The following FAT1 variants were observed in gnomAD, a reference collection of about 807,000 sequenced individuals.
The protein encoded by FAT1 is FAT atypical cadherin 1, also known as protocadherin Fat 1.
Under a neutral mutation model 329.8 loss-of-function variants are expected in FAT1, and 171 were observed. The observed-to-expected ratio is 0.52, with a 90% CI of 0.46 to 0.59. The LOEUF is 0.59. Ranked by LOEUF, FAT1 falls within the 20% of genes least tolerant of loss-of-function variation. The pLI, the probability that FAT1 is intolerant of heterozygous loss-of-function variation, is 0.00. For missense variants in FAT1, 5,672 were observed against 5,774.4 expected (o/e 0.98, Z 0.57); for synonymous variants, 2,233 against 2,228.6 (o/e 1.00, Z -0.06).
rs73873662 is a variant in FAT1 at position 186,620,532 on chromosome 4, G to T, written c.6054C>A (p.Asn2018Lys). ...GGCTTATTTTAAATCTGCGATCTGG[G>T]TTGAGGATGTGATAAAACAAAGGCT... ...INEPLFYHIL[N>K]PDRRFKISRT... is the part of the protein sequence containing the mutation. Residue 2018 changes from asparagine (N) to lysine (K), a missense_variant, in exon 10 of 27, where the codon AAC (asparagine) becomes AAA (lysine). By Grantham distance (94) the Asn-to-Lys change is moderately conservative. Around this residue, in one of 2 missense-constraint regions of FAT1, gnomAD observed 3,966 missense variants for 3,915.2 expected, o/e 1.01. Coordinates refer to ENST00000441802, the MANE Select transcript of FAT1 (RefSeq NM_005245.4). 3,133 of 1,613,956 alleles carry T rather than the reference G, an allele frequency of 1.9e-3. 56 individuals carry two copies. In the African/African-American group the frequency reaches 0.036, roughly 18 times the overall value.
At chr4:186,634,268 C>G (rs577585204) in intron 6 of FAT1, among the ~76,000 whole-genome samples, 1 of 152,044 alleles carries the variant, frequency 6.6e-6, no homozygotes, top group East Asian at 1.9e-4. Context: ...AAAAAAATAG[C>G]GGTCGTTAAC....
At chr4:186,642,834 G>A (rs775935644) in intron 3 of FAT1, among the ~76,000 whole-genome samples, 5 of 152,188 alleles carry the variant, frequency 3.3e-5, no homozygotes, top group African/African-American at 9.7e-5. Flanking sequence ...AGAAAATAGC[G>A]GGCCGATCTT....
chr4:186,660,722 T>C (rs1378796161), intron 3 of FAT1, among the ~76,000 whole-genome samples: 2 of 152,164 alleles, frequency 1.3e-5, no homozygotes, highest in Non-Finnish European at 2.9e-5. Context: ...GTTGTCAGAA[T>C]AGAGAGATTT....
At chr4:186,689,794 G>A (rs544094865) in intron 2 of FAT1, among the ~76,000 whole-genome samples, 4 of 152,168 alleles carry the variant, frequency 2.6e-5, no homozygotes, top group Admixed American at 1.3e-4. Context: ...CCCGCCACAC[G>A]ACTCGACTCC....
rs887554348 is a variant in FAT1, at chr4:186,596,008, G to A, written c.13001-182C>T. Among the ~76,000 whole-genome samples the A allele has an allele frequency of 6.6e-6, 1 of 152,064 alleles. No individual in the cohort carries two copies. The highest frequency in any genetic ancestry group is 2.4e-5 in the African/African-American group (1 of 41,394). On this transcript the variant is annotated intron_variant, in intron 25 of 26. Transcript: ENST00000441802. This position sits in a 1 kb window ranked among gnomAD's most constrained non-coding sequence, Gnocchi z 4.7. ...CGAAGAAATAAAAAACCCCTGCACAGAAAGACCTCCACATCATCTTAGAGA... is the reference window on the plus strand; with the variant it reads ...CGAAGAAATAAAAAACCCCTGCACAAAAAGACCTCCACATCATCTTAGAGA...
At chr4:186,698,154 G>C (rs1425238150) in intron 2 of FAT1, among the ~76,000 whole-genome samples, 1 of 152,208 alleles carries the variant, frequency 6.6e-6, no homozygotes, top group East Asian at 1.9e-4. Flanking sequence ...ATCAGCCACT[G>C]TGCTTAGAAG....
At chr4:186,646,335 G>A (rs924594552) in intron 3 of FAT1, among the ~76,000 whole-genome samples, 2 of 152,050 alleles carry the variant, frequency 1.3e-5, no homozygotes, top group African/African-American at 4.8e-5. Context: ...AATGATTTTG[G>A]CCTTTCCGCC....
intron 24 of FAT1, 95 bp from the exon 25 acceptor site, chr4:186,597,266 G>T: frequency 7.6e-7 from 1 of 1,307,336 alleles, no homozygotes; most frequent in Non-Finnish European, 1.0e-6. Context: ...ATCCCTCCTT[G>T]ATGAGCTATG....
chr4:186,651,145 AT>A (rs1231787135), intron 3 of FAT1, among the ~76,000 whole-genome samples: 2 of 123,348 alleles, frequency 1.6e-5, no homozygotes, highest in African/African-American at 2.8e-5. Context: ...AAATTTATTT[AT>A]TAATAATAAA....
intron 1 of FAT1, among the ~76,000 whole-genome samples, chr4:186,717,983 T>C (rs1745293560): frequency 6.6e-6 from 1 of 152,198 alleles, no homozygotes; most frequent in Non-Finnish European, 1.5e-5. Context: ...AGAAGTAATT[T>C]AAATGACATC....
At chr4:186,592,647 G>A (rs558976012) in intron 26 of FAT1, 16 of 454,466 alleles carry the variant, frequency 3.5e-5, no homozygotes, top group Middle Eastern at 3.3e-4. Flanking sequence ...TCTACGACAC[G>A]GCTGCTGCAA....
intron 1 of FAT1, among the ~76,000 whole-genome samples, chr4:186,719,344 G>A (rs562887212): frequency 1.3e-5 from 2 of 152,152 alleles, no homozygotes; most frequent in South Asian, 2.1e-4. Context: ...ACCTCAGGTT[G>A]AGAACGTCTT....
At position 186,663,238 on chromosome 4, in the gene FAT1, C is replaced by T. The variant is rs547052293; in HGVS notation, c.3580+61G>A. 14 of 1,266,580 alleles carry T rather than the reference C, an allele frequency of 1.1e-5. No homozygotes were observed. In the African/African-American group the frequency reaches 1.8e-4, roughly 16 times the overall value. 78.5% of individuals were successfully genotyped at this position (1,266,580 alleles called of 1,614,324 possible). A position where few individuals can be genotyped will look rare whatever the true frequency, so the allele number is the denominator to read the frequency against. ...TGTAACAGATAAATGCTAATTCTTA[C>T]TTTTCCCCCTAACAGAAAAGCATAA... On this transcript the variant is annotated intron_variant, in intron 3 of 26. Transcript: ENST00000441802.
rs1409374760 is a variant in FAT1 at position 186,620,096 on chromosome 4, A to T, written c.6490T>A (p.Phe2164Ile). ...VVAKDGGNPA[F>I]SAEVIVPITV... is the part of the protein sequence containing the mutation. ...ATCGGAACGATAACTTCCGCTGAAA[A>T]GGCCGGGTTCCCTCCATCTTTTGCA... Residue 2164 changes from phenylalanine to isoleucine, a missense_variant, in exon 10 of 27, where the codon TTT (phenylalanine) becomes ATT (isoleucine). Around this residue, in one of 2 missense-constraint regions of FAT1, gnomAD observed 3,966 missense variants for 3,915.2 expected, o/e 1.01. Coordinates refer to ENST00000441802, the MANE Select transcript of FAT1 (RefSeq NM_005245.4). 1 of 1,614,008 alleles carries T rather than the reference A, an allele frequency of 6.2e-7. No individual in the cohort carries two copies. The highest frequency in any genetic ancestry group is 8.5e-7 in the Non-Finnish European group (1 of 1,179,884).
chr4:186,628,222 A>G lies in FAT1; in HGVS notation c.4742T>C (p.Val1581Ala), dbSNP rs1226194029. Reference protein sequence around the residue: ...VYESAAVGSVVLQVTALDKDK... With the variant: ...VYESAAVGSVALQVTALDKDK... ...CTTGTCCAGAGCCGTCACCTGCAACACAACTGAGCCAACGGCTGCCGATTC... is the reference window on the plus strand; with the variant it reads ...CTTGTCCAGAGCCGTCACCTGCAACGCAACTGAGCCAACGGCTGCCGATTC... The change falls in exon 9 of 27, where the codon GTG becomes GCG. Residue 1581 changes from valine (V) to alanine (A), a missense_variant. Around this residue, in one of 2 missense-constraint regions of FAT1, gnomAD observed 3,966 missense variants for 3,915.2 expected, o/e 1.01. Transcript: ENST00000441802. The G allele has an allele frequency of 5.6e-6, 9 of 1,613,818 alleles. No homozygotes were observed. The Middle Eastern group carries it at 6.6e-4, about 118-fold the overall frequency.
rs754946015 is a variant in FAT1 at position 186,620,676 on chromosome 4, T to C, written c.5910A>G (p.Lys1970=). The change falls in exon 10 of 27, where the codon AAA becomes AAG. Residue 1970 remains lysine (K), a synonymous_variant. Transcript: ENST00000441802. ...ACTTTAGGTGACTTTCTTTGCTTTC[T>C]TTCACATTAATTTTGACAGAGGTAA... ...AGLTSVKINV[K]ESKESHLKFT... is the part of the protein sequence containing the mutation. 1 of 1,613,914 alleles carries C rather than the reference T, an allele frequency of 6.2e-7. No homozygotes were observed. The highest frequency in any genetic ancestry group is 1.3e-5 in the African/African-American group (1 of 74,942).
In FAT1 at chr4:186,618,826, G is replaced by C; in HGVS notation, c.7760C>G (p.Thr2587Arg). ...VAFCTVNVIL[T>R]DDNDNAPQFR... ...TTGTGGTGCATTGTCATTGTCATCT[G>C]TAAGGATGACATTCACGGTGCAGAA... Residue 2587 changes from threonine (T) to arginine (R), a missense_variant, in exon 10 of 27, where the codon ACA becomes AGA. This residue lies in a region of FAT1 where 3,966 missense variants were observed against 3,915.2 expected (regional missense o/e 1.01). Coordinates refer to ENST00000441802, the MANE Select transcript of FAT1 (RefSeq NM_005245.4). The C allele has an allele frequency of 6.2e-7, 1 of 1,614,018 alleles. No individual in the cohort carries two copies. The highest frequency in any genetic ancestry group is 8.5e-7 in the Non-Finnish European group (1 of 1,179,878).
At chr4:186,606,876 T>TAC (rs1262353429) in intron 16 of FAT1, among the ~76,000 whole-genome samples, 1 of 152,256 alleles carries the variant, frequency 6.6e-6, no homozygotes, top group Non-Finnish European at 1.5e-5. Context: ...TCCCAGAGTA[T>TAC]GTTCTACAGA....
rs2126565467 is a variant in FAT1 at position 186,636,925 on chromosome 4, A to T, written c.3643-11T>A. ...GTCTGTCACAGTAACCTGTTTTTTT[A>T]AAGTTAACAGATTAACATGTTAAGA... On this transcript the variant is annotated splice_polypyrimidine_tract_variant and intron_variant, in intron 4 of 26. Coordinates refer to ENST00000441802, the MANE Select transcript of FAT1 (RefSeq NM_005245.4). 1 of 1,584,032 alleles carries T rather than the reference A, an allele frequency of 6.3e-7. No homozygotes were observed. Among genetic ancestry groups the T allele is most frequent in the Non-Finnish European group, 8.6e-7 (1 of 1,167,756 alleles).
Sources: allele counts gnomAD v4.1 joint callset (sites outside exome capture counted in the v4.1 genomes callset), GRCh38; gene constraint gnomAD v4.1.1; regional missense constraint gnomAD v4.1.1; non-coding constraint Gnocchi (gnomAD v3.1); transcripts MANE v1.5; gene names NCBI Gene and HGNC (gene_info 2026-07-23, HGNC 2026-07-21).